PPP1R21: variants seen among roughly 807,000 people sequenced by gnomAD.
PPP1R21 encodes the protein KLRAQ motif containing 1.
Under a neutral mutation model 112.8 loss-of-function variants are expected in PPP1R21, and 85 were observed. The ratio of observed to expected loss-of-function variants is 0.75; its 90% CI spans 0.63 to 0.90. The LOEUF is 0.90. PPP1R21 is among the 40% of genes least tolerant of loss of function. The pLI is 0.00. For missense variants in PPP1R21, 1,199 were observed against 901.5 expected, an observed-to-expected ratio of 1.33 and a Z score of -4.23; for synonymous variants, 381 against 322.3, an observed-to-expected ratio of 1.18 and a Z score of -1.95.
rs375910529 is a variant in PPP1R21 at position 48,498,474 on chromosome 2, C to T, written c.1693-19C>T. 4.8e-5 allele frequency: 77 copies of T among 1,612,812 alleles called. No individual in the cohort carries two copies. The highest frequency in any genetic ancestry group is 5.9e-5 in the Non-Finnish European group (69 of 1,179,228). On this transcript the variant is annotated intron_variant, in intron 16 of 21. Transcript: ENST00000294952. ...ATCTGTATTAGTCTCTAAGATACAA[C>T]ACTCTGTTACTTTTCAAGGTTCAAC...
At chr2:48,441,810 T>A (rs1011585971) in intron 1 of PPP1R21, among the ~76,000 whole-genome samples, 1 of 152,256 alleles carries the variant, frequency 6.6e-6, no homozygotes, top group Non-Finnish European at 1.5e-5. Flanking sequence ...GAATTTTACA[T>A]CTTTGGAAAT....
chr2:48,498,601 G>A lies in PPP1R21; in HGVS notation c.1801G>A (p.Ala601Thr), dbSNP rs1438206685. 1.2e-6 allele frequency: 2 copies of A among 1,614,230 alleles called. No individual in the cohort carries two copies. The highest frequency in any genetic ancestry group is 1.7e-6 in the Non-Finnish European group (2 of 1,180,042). The change falls in exon 17 of 22, where the codon GCA becomes ACA. Residue 601 changes from alanine (A) to threonine (T), a missense_variant. Ala to Thr is a moderately conservative substitution (Grantham distance 58). Coordinates refer to ENST00000294952, the MANE Select transcript of PPP1R21 (RefSeq NM_001135629.3). ...GCTAGAGAAAGAAAACCAGCGAATTGCAGATAAGCTGAAGAATACAGGTAG... is the reference window on the plus strand; with the variant it reads ...GCTAGAGAAAGAAAACCAGCGAATTACAGATAAGCTGAAGAATACAGGTAG... ...IKLEKENQRI[A>T]DKLKNTGSAQ...
chr2:48,443,266 C>T (rs1667110026), intron 1 of PPP1R21, among the ~76,000 whole-genome samples: 1 of 152,008 alleles, frequency 6.6e-6, no homozygotes, highest in Admixed American at 6.6e-5. Flanking sequence ...GCCACTGACA[C>T]AATGAGGGCC....
intron 17 of PPP1R21, among the ~76,000 whole-genome samples, chr2:48,501,383 T>C (rs1316610954): frequency 6.6e-6 from 1 of 152,196 alleles, no homozygotes; most frequent in African/African-American, 2.4e-5. Flanking sequence ...AGGGTGCTGC[T>C]GACAATGACA....
chr2:48,480,038 A>C (rs757935104), intron 13 of PPP1R21, 22 bp downstream of exon 13: 2 of 1,514,620 alleles, frequency 1.3e-6, no homozygotes, highest in Non-Finnish European at 9.2e-7. Context: ...AAAAGAACGT[A>C]AGCTTAAAAC....
Position 48,507,288 on chromosome 2 carries a change from G to A in PPP1R21, c.1988G>A (p.Arg663His), listed in dbSNP as rs147453938. Reference sequence around the variant, plus strand: ...ATTTAGGTTCCAGATGTGGAATCTCGTGAAGACTTAATTAAAAATCACTAC... The same window carrying A: ...ATTTAGGTTCCAGATGTGGAATCTCATGAAGACTTAATTAAAAATCACTAC... ...SDSEVPDVES[R>H]EDLIKNHYMA... is the part of the protein sequence containing the mutation. The change falls in exon 19 of 22, where the codon CGT becomes CAT. Residue 663 changes from arginine (R) to histidine (H), a missense_variant. Arg to His is a conservative substitution (Grantham distance 29, BLOSUM62 0). Coordinates refer to ENST00000294952, the MANE Select transcript of PPP1R21 (RefSeq NM_001135629.3). 2.9e-5 allele frequency: 45 copies of A among 1,565,188 alleles called. No individual in the cohort carries two copies. The highest frequency in any genetic ancestry group is 8.2e-5 in the Admixed American group (4 of 48,854).
At chr2:48,485,319 CA>C (rs1434506195) in intron 13 of PPP1R21, among the ~76,000 whole-genome samples, 1 of 149,568 alleles carries the variant, frequency 6.7e-6, no homozygotes, top group Non-Finnish European at 1.5e-5. Context: ...AAAAAAAAAA[CA>C]AAAAGCATTC....
chr2:48,504,787 A>G (rs889365025), intron 17 of PPP1R21, among the ~76,000 whole-genome samples: 1 of 152,218 alleles, frequency 6.6e-6, no homozygotes, highest in Non-Finnish European at 1.5e-5. Flanking sequence ...TTCAGAAATC[A>G]TGACCATCTG....
chr2:48,487,658 G>A (rs1669369074), intron 14 of PPP1R21, among the ~76,000 whole-genome samples: 1 of 151,790 alleles, frequency 6.6e-6, no homozygotes, highest in African/African-American at 2.4e-5. Context: ...CTACTTGGGT[G>A]GCTGAGGTAG....
At chr2:48,482,996 C>G (rs1426573101) in intron 13 of PPP1R21, among the ~76,000 whole-genome samples, 1 of 151,940 alleles carries the variant, frequency 6.6e-6, no homozygotes, top group Non-Finnish European at 1.5e-5. Flanking sequence ...TCCATGTGTT[C>G]TCATCATTCA....
chr2:48,454,702 T>C lies in PPP1R21; in HGVS notation c.234T>C (p.Asp78=). The C allele has an allele frequency of 1.9e-6, 3 of 1,614,112 alleles. No homozygotes were observed. The highest frequency in any genetic ancestry group is 2.5e-6 in the Non-Finnish European group (3 of 1,179,988). The change falls in exon 3 of 22, where the codon GAT becomes GAC. Residue 78 remains aspartate, a synonymous_variant. Transcript: ENST00000294952. ...CCAAGAGGGTAGAACTACTTCAAGATGAACTAGCTCTAAGTGAACCACGAG... is the reference window on the plus strand; with the variant it reads ...CCAAGAGGGTAGAACTACTTCAAGACGAACTAGCTCTAAGTGAACCACGAG... The part of the protein sequence containing the change: ...QLAKRVELLQ[D]ELALSEPRGK...
At chr2:48,482,989 A>G (rs1669093628) in intron 13 of PPP1R21, among the ~76,000 whole-genome samples, 1 of 151,942 alleles carries the variant, frequency 6.6e-6, no homozygotes, top group Middle Eastern at 3.4e-3. Flanking sequence ...GCATGTGTCC[A>G]TGTGTTCTCA....
rs528736155 is a variant in PPP1R21, at chr2:48,469,681, G to A, written c.898-1406G>A. 4.0e-5 allele frequency among the ~76,000 whole-genome samples: 6 copies of A among 150,704 alleles called. No homozygotes were observed. In the East Asian group the frequency reaches 1.2e-3, roughly 30 times the overall value. On this transcript the variant is annotated intron_variant, in intron 9 of 21. Transcript: ENST00000294952. Reference sequence around the variant, plus strand: ...CTTGTTGCCATGTTATACCCACATAGTGAGAATCAAATATATTAATCTTAA... The same window carrying A: ...CTTGTTGCCATGTTATACCCACATAATGAGAATCAAATATATTAATCTTAA...
chr2:48,489,074 C>T (rs968260131), intron 14 of PPP1R21, among the ~76,000 whole-genome samples: 2 of 152,198 alleles, frequency 1.3e-5, no homozygotes, highest in East Asian at 3.9e-4. Context: ...AAAATATAAC[C>T]TTTCAGACCA....
intron 1 of PPP1R21, among the ~76,000 whole-genome samples, chr2:48,447,329 A>G (rs1479160668): frequency 6.6e-6 from 1 of 152,204 alleles, no homozygotes; most frequent in Non-Finnish European, 1.5e-5. Flanking sequence ...GGTAAAATGA[A>G]TCAGAAAATT....
At chr2:48,499,950 A>C (rs753394359) in intron 17 of PPP1R21, among the ~76,000 whole-genome samples, 20 of 151,944 alleles carry the variant, frequency 1.3e-4, no homozygotes, top group Non-Finnish European at 1.8e-4. Flanking sequence ...TTTAACAAAC[A>C]TTTTTTTTAC....
rs926157849 is a variant in PPP1R21, at chr2:48,476,069, A to G, written c.1225+1250A>G. Among the ~76,000 whole-genome samples the G allele has an allele frequency of 1.1e-4, 16 of 152,160 alleles. 1 individual carries two copies. Among genetic ancestry groups the G allele is most frequent in the South Asian group, 2.1e-4 (1 of 4,824 alleles). ...AAATTTTGGAACACTTTTATCACCC[A>G]TAGAAGAAACCCTGTGTATTTTAGC... On this transcript the variant is annotated intron_variant, in intron 12 of 21. Transcript: ENST00000294952.
intron 2 of PPP1R21, among the ~76,000 whole-genome samples, chr2:48,452,627 C>T (rs1667529497): frequency 6.6e-6 from 1 of 151,420 alleles, no homozygotes; most frequent in African/African-American, 2.4e-5. Flanking sequence ...TGCCAGTTTG[C>T]TAGACAGGAA....
At chr2:48,514,419 A>G (rs569868211) in intron 21 of PPP1R21, among the ~76,000 whole-genome samples, 4 of 152,286 alleles carry the variant, frequency 2.6e-5, no homozygotes, top group Admixed American at 2.6e-4. Flanking sequence ...CTTTGGAACA[A>G]AATGAATGTT....
Sources: allele counts gnomAD v4.1 joint callset (sites outside exome capture counted in the v4.1 genomes callset), GRCh38; gene constraint gnomAD v4.1.1; transcripts MANE v1.5; gene names NCBI Gene and HGNC (gene_info 2026-07-23, HGNC 2026-07-21).